Variants in SDK1 observed in about 807,000 individuals in gnomAD.
The protein encoded by SDK1 is protein sidekick-1.
Under a neutral mutation model 245.5 loss-of-function variants are expected in SDK1, and 157 were observed. The observed-to-expected ratio is 0.64, with a 90% CI of 0.56 to 0.73. The LOEUF is 0.73. Ranked by LOEUF, SDK1 falls within the 30% of genes least tolerant of loss-of-function variation. The pLI, the probability that SDK1 is intolerant of heterozygous loss-of-function variation, is 0.00. For synonymous variants in SDK1, 1,647 were observed against 1,278.5 expected (o/e 1.29, Z -6.15); for missense variants, 3,583 against 3,002.3 (o/e 1.19, Z -4.52).
At chr7:3,637,482 C>A (rs574907044) in intron 2 of SDK1, among the ~76,000 whole-genome samples, 2 of 152,192 alleles carry the variant, frequency 1.3e-5, no homozygotes, top group Non-Finnish European at 2.9e-5. Context: ...GCTGAGAACT[C>A]AATTACTCTA....
intron 43 of SDK1, among the ~76,000 whole-genome samples, chr7:4,242,926 G>A (rs531523439): frequency 2.2e-4 from 33 of 152,326 alleles, no homozygotes; most frequent in Non-Finnish European, 4.0e-4. Context: ...CGCTCTGCCA[G>A]CCCCACAGGT....
At chr7:3,514,081 A>G (rs1782660110) in intron 1 of SDK1, among the ~76,000 whole-genome samples, 2 of 152,150 alleles carry the variant, frequency 1.3e-5, no homozygotes, top group South Asian at 2.1e-4. Flanking sequence ...GTGATGGAAA[A>G]TATTCATATT....
At chr7:3,504,942 G>C (rs1460574781) in intron 1 of SDK1, among the ~76,000 whole-genome samples, 4 of 152,042 alleles carry the variant, frequency 2.6e-5, no homozygotes, top group African/African-American at 9.7e-5. Context: ...ATAAATCCCT[G>C]CAAAAACTAG....
At chr7:3,455,733 C>A (rs368510396) in intron 1 of SDK1, among the ~76,000 whole-genome samples, 2 of 152,018 alleles carry the variant, frequency 1.3e-5, no homozygotes, top group Non-Finnish European at 2.9e-5. Flanking sequence ...ACTTTATTCT[C>A]TGTCAAGATT....
chr7:4,199,114 C>G (rs1050437869), intron 35 of SDK1, among the ~76,000 whole-genome samples: 2 of 152,198 alleles, frequency 1.3e-5, no homozygotes, highest in Non-Finnish European at 2.9e-5. Context: ...CGTACCCGGC[C>G]TCAGTTTTCT....
At chr7:3,468,508 G>A (rs1017732168) in intron 1 of SDK1, among the ~76,000 whole-genome samples, 3 of 152,092 alleles carry the variant, frequency 2.0e-5, no homozygotes. Context: ...AAACCTAAAA[G>A]TATTACTCTA....
intron 4 of SDK1, among the ~76,000 whole-genome samples, chr7:3,764,784 T>C (rs1329438850): frequency 6.6e-6 from 1 of 152,260 alleles, no homozygotes; most frequent in African/African-American, 2.4e-5. Flanking sequence ...ATAAAAGTAA[T>C]TCATAATGAA....
intron 20 of SDK1, among the ~76,000 whole-genome samples, chr7:4,073,182 G>A (rs1459057707): frequency 6.6e-6 from 1 of 152,088 alleles, no homozygotes; most frequent in South Asian, 2.1e-4. Context: ...CTCTCCTCTG[G>A]GAGCTGGAAG....
At position 3,321,833 on chromosome 7, in the gene SDK1, T is replaced by TTCCTTCCTTCC. The variant is rs1417856290; in HGVS notation, c.298+19950_298+19951insCCTTCCTTCCT. The stretch of plus-strand genomic sequence containing the variant: ...CCTTCCTTCCTTCCTTCCTTCCTCC[T>TTCCTTCCTTCC]TTTCTCTCTCTCTCTCTCTCTTTCT... On this transcript the variant is annotated intron_variant, in intron 1 of 44. Transcript: ENST00000404826. Among the ~76,000 whole-genome samples, 596 of 103,768 alleles carry TTCCTTCCTTCC rather than the reference T, an allele frequency of 5.7e-3. 18 individuals carry two copies. Among genetic ancestry groups the TTCCTTCCTTCC allele is most frequent in the African/African-American group, 0.021 (560 of 26,156 alleles). The allele number at this position is 103,768 out of a possible 152,430, so 68.1% of individuals were successfully genotyped here.
intron 4 of SDK1, among the ~76,000 whole-genome samples, chr7:3,776,043 G>C (rs946022722): frequency 7.9e-5 from 12 of 152,186 alleles, no homozygotes; most frequent in Admixed American, 2.0e-4. Context: ...ATTGTCCACA[G>C]GATTCTTCAT....
chr7:3,572,197 C>G (rs913863356), intron 1 of SDK1, among the ~76,000 whole-genome samples: 17 of 152,004 alleles, frequency 1.1e-4, no homozygotes, highest in African/African-American at 3.9e-4. Flanking sequence ...TAGTTTCTAC[C>G]TGGAAGTAAC....
chr7:3,336,390 C>G lies in SDK1; in HGVS notation c.298+34506C>G, dbSNP rs73290058. ...CTCTGCCTGGTAGGAGCAGGTGATGCTCTGACTTCTCTGCCAGGGTAGTGT... is the reference window on the plus strand; with the variant it reads ...CTCTGCCTGGTAGGAGCAGGTGATGGTCTGACTTCTCTGCCAGGGTAGTGT... On this transcript the variant is annotated intron_variant, in intron 1 of 44. Transcript: ENST00000404826. Among the ~76,000 whole-genome samples the G allele has an allele frequency of 8.7e-3, 1,326 of 152,234 alleles. 23 individuals are homozygous for G. Among genetic ancestry groups the G allele is most frequent in the African/African-American group, 0.03 (1,246 of 41,536 alleles).
intron 1 of SDK1, among the ~76,000 whole-genome samples, chr7:3,430,974 T>C (rs917498129): frequency 6.6e-6 from 1 of 152,190 alleles, no homozygotes; most frequent in Non-Finnish European, 1.5e-5. Context: ...GATCTTGGCT[T>C]ACTGCAACCT....
chr7:3,969,479 G>T, intron 11 of SDK1, 55 bp downstream of exon 11: 1 of 1,381,618 alleles, frequency 7.2e-7, no homozygotes, highest in Non-Finnish European at 9.7e-7. Flanking sequence ...TAATCATCAC[G>T]TCATCGTGTG....
intron 4 of SDK1, among the ~76,000 whole-genome samples, chr7:3,810,432 G>T (rs528623717): frequency 1.3e-5 from 2 of 151,922 alleles, no homozygotes; most frequent in South Asian, 4.2e-4. Flanking sequence ...CCTCCTTCAT[G>T]CCGTTCCTCT....
intron 4 of SDK1, among the ~76,000 whole-genome samples, chr7:3,713,322 CT>C (rs1159357824): frequency 2.0e-5 from 3 of 152,172 alleles, no homozygotes; most frequent in Non-Finnish European, 4.4e-5. Flanking sequence ...GGTTGTTTGT[CT>C]TTCCATGCTT....
chr7:3,859,499 T>A (rs116456204), intron 5 of SDK1, among the ~76,000 whole-genome samples: 1,769 of 152,268 alleles, frequency 0.012, 34 homozygotes, highest in African/African-American at 0.035. Flanking sequence ...CATGATGTTG[T>A]AAAGACCTGA....
At chr7:4,003,024 C>T (rs539615605) in intron 14 of SDK1, among the ~76,000 whole-genome samples, 47 of 152,332 alleles carry the variant, frequency 3.1e-4, no homozygotes, top group Middle Eastern at 3.4e-3. Context: ...ATCAGGCCCC[C>T]CAACACTGAG....
intron 4 of SDK1, among the ~76,000 whole-genome samples, chr7:3,759,831 G>T (rs1474300255): frequency 6.6e-6 from 1 of 152,062 alleles, no homozygotes; most frequent in Non-Finnish European, 1.5e-5. Flanking sequence ...GACCTCAGGT[G>T]ATCCACCCAC....
Sources: gnomAD v4.1 joint callset for allele counts (sites outside exome capture counted in the v4.1 genomes callset) on GRCh38, gnomAD v4.1.1 for gene constraint, MANE v1.5 for transcripts, NCBI Gene and HGNC (gene_info 2026-07-23, HGNC 2026-07-21) for gene names.